The following MCMDC2 variants were observed in gnomAD, a reference collection of about 807,000 sequenced individuals.
MCMDC2 encodes the protein minichromosome maintenance domain-containing protein 2.
Under a neutral mutation model 75.8 loss-of-function variants are expected in MCMDC2, and 54 were observed. The ratio of observed to expected loss-of-function variants is 0.71; its 90% CI spans 0.57 to 0.89. The LOEUF is 0.89. MCMDC2 is among the 40% of genes least tolerant of loss of function. The pLI, the probability that MCMDC2 is intolerant of heterozygous loss-of-function variation, is 0.00. For synonymous variants in MCMDC2, 249 were observed against 274.6 expected (o/e 0.91, Z 0.92); for missense variants, 656 against 780.4 (o/e 0.84, Z 1.90).
Position 66,921,853 on chromosome 8 carries a change from T to G in MCMDC2, c.*2684T>G, listed in dbSNP as rs1171860079. The stretch of plus-strand genomic sequence containing the variant: ...TGAGAATCACCACCCATAAATAAGC[T>G]AATTATTGACAAGATTATAATCTTT... On this transcript the variant is annotated 3_prime_UTR_variant, in exon 15 of 15. Transcript: ENST00000422365. The G allele has an allele frequency of 1.3e-5, 2 of 152,228 alleles. No homozygotes were observed. The highest frequency in any genetic ancestry group is 2.4e-5 in the African/African-American group (1 of 41,466). The allele number at this position is 152,228 out of a possible 1,614,324, so 9.4% of individuals were successfully genotyped here.
intron 14 of MCMDC2, among the ~76,000 whole-genome samples, chr8:66,911,101 G>A (rs887649471): frequency 2.0e-5 from 3 of 152,174 alleles, no homozygotes; most frequent in Non-Finnish European, 4.4e-5. Context: ...ATGTGAAAGG[G>A]ACATGAGATT....
chr8:66,916,544 C>A (rs542140040), intron 14 of MCMDC2, among the ~76,000 whole-genome samples: 3 of 152,222 alleles, frequency 2.0e-5, no homozygotes, highest in African/African-American at 7.2e-5. Context: ...TGCCTAGCAG[C>A]CTTCGTGCCA....
chr8:66,874,620 A>G (rs1345959545), intron 4 of MCMDC2, 34 bp downstream of exon 4: 5 of 1,552,256 alleles, frequency 3.2e-6, no homozygotes, highest in East Asian at 2.3e-5. Flanking sequence ...AAACTCAGGT[A>G]CAGATTTACA....
In MCMDC2 at chr8:66,878,934, T is replaced by C. The variant is rs1811430578; in HGVS notation, c.709+15T>C. 2.6e-6 allele frequency: 4 copies of C among 1,510,390 alleles called. No homozygotes were observed. The highest frequency in any genetic ancestry group is 3.7e-6 in the Non-Finnish European group (4 of 1,091,226). 93.6% of individuals were successfully genotyped at this position (1,510,390 alleles called of 1,614,324 possible). A position where few individuals can be genotyped will look rare whatever the true frequency, so the allele number is the denominator to read the frequency against. ...TTTCCTAAGAGGTAAGTGAATTCTG[T>C]TTGAACTAAAAAAAAATTGCTATAA... On this transcript the variant is annotated intron_variant, in intron 7 of 14. Coordinates refer to ENST00000422365, the MANE Select transcript of MCMDC2 (RefSeq NM_173518.5).
At chr8:66,923,146 G>A (rs894554656), downstream of MCMDC2, among the ~76,000 whole-genome samples, 1 of 152,176 alleles carries the variant, frequency 6.6e-6, no homozygotes, top group Non-Finnish European at 1.5e-5. Flanking sequence ...GCTCGACAAG[G>A]ATGAGCTATG....
intron 14 of MCMDC2, among the ~76,000 whole-genome samples, chr8:66,910,192 G>A (rs1420333928): frequency 6.6e-6 from 1 of 152,230 alleles, no homozygotes; most frequent in African/African-American, 2.4e-5. Context: ...TAGCCCTCAT[G>A]GAGAACCTCT....
intron 8 of MCMDC2, among the ~76,000 whole-genome samples, chr8:66,883,420 G>T (rs1465480716): frequency 1.3e-5 from 2 of 152,152 alleles, no homozygotes; most frequent in Admixed American, 6.5e-5. Context: ...GACACAAAGG[G>T]TGACTTCTTC....
Position 66,920,913 on chromosome 8 carries a change from T to C in MCMDC2, c.*1744T>C, listed in dbSNP as rs1286058579. 1.3e-5 allele frequency: 2 copies of C among 152,160 alleles called. No individual in the cohort carries two copies. Among genetic ancestry groups the C allele is most frequent in the Non-Finnish European group, 2.9e-5 (2 of 68,030 alleles). The allele number at this position is 152,160 out of a possible 1,614,324, so 9.4% of individuals were successfully genotyped here. On this transcript the variant is annotated 3_prime_UTR_variant, in exon 15 of 15. Coordinates refer to ENST00000422365, the MANE Select transcript of MCMDC2 (RefSeq NM_173518.5). Reference sequence around the variant, plus strand: ...GTCTCAAGTCATCCTCCCATCTCAGTACCTCAGCTTCCCAGTGTTGGGATT... The same window carrying C: ...GTCTCAAGTCATCCTCCCATCTCAGCACCTCAGCTTCCCAGTGTTGGGATT...
intron 9 of MCMDC2, among the ~76,000 whole-genome samples, chr8:66,886,791 A>G (rs1811863941): frequency 6.6e-6 from 1 of 151,318 alleles, no homozygotes; most frequent in South Asian, 2.1e-4. Flanking sequence ...AAAAAAAAAG[A>G]AAGAAAGAAA....
At chr8:66,883,148 G>A (rs996323330) in intron 8 of MCMDC2, among the ~76,000 whole-genome samples, 1 of 152,196 alleles carries the variant, frequency 6.6e-6, no homozygotes, top group Non-Finnish European at 1.5e-5. Context: ...TTCAGGAGGT[G>A]GAGAGTGAGA....
chr8:66,915,502 T>G (rs1813279095), intron 14 of MCMDC2, among the ~76,000 whole-genome samples: 1 of 147,358 alleles, frequency 6.8e-6, no homozygotes, highest in Non-Finnish European at 1.5e-5. Context: ...TATTTATATA[T>G]GTTTTATATA....
chr8:66,924,685 C>T (rs1003046315), downstream of MCMDC2, among the ~76,000 whole-genome samples: 5 of 152,022 alleles, frequency 3.3e-5, no homozygotes, highest in Non-Finnish European at 4.4e-5. Flanking sequence ...TCCCAGCCTC[C>T]CAGTTGCTGA....
chr8:66,878,400 T>G (rs1811399630), intron 5 of MCMDC2, among the ~76,000 whole-genome samples, 174 bp from the exon 6 acceptor site: 1 of 152,206 alleles, frequency 6.6e-6, no homozygotes, highest in South Asian at 2.1e-4. Context: ...AAAACTGAAT[T>G]AATTCCGTTT....
Position 66,874,555 on chromosome 8 carries a change from CATTAAT to C in MCMDC2, c.255_260del (p.Leu86_Ile87del), listed in dbSNP as rs755440255. 223 of 1,613,120 alleles carry C rather than the reference CATTAAT, an allele frequency of 1.4e-4. No individual in the cohort carries two copies. Among genetic ancestry groups the C allele is most frequent in the Non-Finnish European group, 1.3e-4 (159 of 1,179,734 alleles). ...TGTTTTATTGCTGTTAAGACTCTCT[CATTAAT>C]TGGACAATTGCAGACTGAAACGCAA... On this transcript the variant is annotated inframe_deletion, in exon 4 of 15. Coordinates refer to ENST00000422365, the MANE Select transcript of MCMDC2 (RefSeq NM_173518.5).
At chr8:66,923,236 C>CA (rs553394585), downstream of MCMDC2, among the ~76,000 whole-genome samples, 362 of 152,236 alleles carry the variant, frequency 2.4e-3, 2 homozygotes, top group Non-Finnish European at 3.9e-3. Flanking sequence ...AGTTTCAGAG[C>CA]AGGGATACCT....
At chr8:66,903,553 G>A (rs951113680) in intron 13 of MCMDC2, among the ~76,000 whole-genome samples, 1 of 152,186 alleles carries the variant, frequency 6.6e-6, no homozygotes, top group African/African-American at 2.4e-5. Context: ...AAGCTGTGAT[G>A]CAGCTATTAT....
intron 14 of MCMDC2, among the ~76,000 whole-genome samples, chr8:66,907,914 A>T (rs191480546): frequency 6.6e-6 from 1 of 151,328 alleles, no homozygotes; most frequent in Non-Finnish European, 1.5e-5. Context: ...CCACTTTTTG[A>T]TGGGGTTTTT....
intron 12 of MCMDC2, among the ~76,000 whole-genome samples, chr8:66,900,264 C>T (rs1812591172): frequency 6.6e-6 from 1 of 151,920 alleles, no homozygotes; most frequent in Admixed American, 6.6e-5. Flanking sequence ...TAGTGAAACC[C>T]CATCTCTACC....
intron 14 of MCMDC2, among the ~76,000 whole-genome samples, chr8:66,910,075 C>G (rs1813043224): frequency 6.6e-6 from 1 of 152,244 alleles, no homozygotes; most frequent in Admixed American, 6.5e-5. Flanking sequence ...GGTGTTGGGC[C>G]TGCGGGTGCA....
Sources: gnomAD v4.1 joint callset for allele counts (sites outside exome capture counted in the v4.1 genomes callset) on GRCh38, gnomAD v4.1.1 for gene constraint, MANE v1.5 for transcripts, NCBI Gene and HGNC (gene_info 2026-07-23, HGNC 2026-07-21) for gene names.